Variants in ZRANB1 observed in about 807,000 individuals in gnomAD.
ZRANB1 encodes the protein zinc finger RANBP2-type containing 1.
A neutral mutation model predicts 80.5 loss-of-function variants in ZRANB1; 16 were observed. That is an observed-to-expected ratio of 0.20 (90% confidence interval 0.13 to 0.30). The LOEUF is 0.30. Ranked by LOEUF, ZRANB1 falls within the 10% of genes least tolerant of loss-of-function variation. The probability of loss-of-function intolerance (pLI) is 1.00; values close to 1 mark genes in which losing one functional copy is unlikely to be tolerated. For missense variants in ZRANB1, 576 were observed against 862.6 expected (o/e 0.67, Z 4.16); for synonymous variants, 291 against 293.1 (o/e 0.99, Z 0.07).
intron 2 of ZRANB1, among the ~76,000 whole-genome samples, chr10:124,968,448 G>C (rs111684012): frequency 1.3e-5 from 2 of 150,358 alleles, no homozygotes; most frequent in African/African-American, 4.8e-5. Flanking sequence ...AAGCCGGGGT[G>C]GGGGGCTTGA....
At chr10:124,981,573 A>G (rs966770404) in intron 5 of ZRANB1, 136 bp from the exon 6 acceptor site, 3 of 831,430 alleles carry the variant, frequency 3.6e-6, no homozygotes, top group Non-Finnish European at 5.2e-6. Flanking sequence ...AAAATACATT[A>G]CCAACCAGAC....
intron 1 of ZRANB1, among the ~76,000 whole-genome samples, chr10:124,944,450 A>T (rs1951562111): frequency 6.6e-6 from 1 of 151,164 alleles, no homozygotes. Context: ...TTTCCAAGAA[A>T]TCGTGAGTTT....
the ZRANB1 span, among the ~76,000 whole-genome samples, chr10:124,922,960 C>T: frequency 2.0e-5 from 3 of 152,068 alleles, no homozygotes; most frequent in African/African-American, 7.2e-5. Context: ...AATTCGAGTC[C>T]AGTCTGGGTG....
chr10:124,925,754 A>G, the ZRANB1 span, among the ~76,000 whole-genome samples: 24 of 152,238 alleles, frequency 1.6e-4, no homozygotes, highest in African/African-American at 5.8e-4. Context: ...CAGAGGTCCA[A>G]CTGAGTTTTT....
At chr10:124,953,122 G>A (rs1951656222) in intron 1 of ZRANB1, among the ~76,000 whole-genome samples, 1 of 143,756 alleles carries the variant, frequency 7.0e-6, no homozygotes, top group African/African-American at 2.6e-5. Flanking sequence ...AGTAGAGACA[G>A]GGTTTCACCA....
chr10:124,970,048 A>G (rs767045998), intron 2 of ZRANB1, among the ~76,000 whole-genome samples: 3 of 152,146 alleles, frequency 2.0e-5, no homozygotes, highest in Non-Finnish European at 4.4e-5. Flanking sequence ...GGAATAAGCT[A>G]TTTTTGAATT....
In ZRANB1 at chr10:124,948,459, C is replaced by T. The variant is rs576473973; in HGVS notation, c.814+5152C>T. On this transcript the variant is annotated intron_variant, in intron 1 of 8. Coordinates refer to ENST00000359653, the MANE Select transcript of ZRANB1 (RefSeq NM_017580.3). ...TGTTCAAGGGCCAAATATAGTTTAT[C>T]TCTGAACTAATCTGTTTTCCACCTT... Among the ~76,000 whole-genome samples, 23 of 151,752 alleles carry T rather than the reference C, an allele frequency of 1.5e-4. No individual in the cohort carries two copies. The East Asian group carries it at 1.7e-3, about 11-fold the overall frequency.
chr10:124,963,502 A>G (rs1157937728), intron 1 of ZRANB1, among the ~76,000 whole-genome samples: 1 of 149,754 alleles, frequency 6.7e-6, no homozygotes, highest in African/African-American at 2.4e-5. Context: ...AAGGTGCTCA[A>G]AGTGTAATTA....
the ZRANB1 span, among the ~76,000 whole-genome samples, chr10:124,917,557 G>A: frequency 6.6e-6 from 1 of 152,180 alleles, no homozygotes; most frequent in Non-Finnish European, 1.5e-5. Flanking sequence ...TCCCACCGCC[G>A]CTCTTCCGCC....
At chr10:124,944,897 GT>G (rs2134244795) in intron 1 of ZRANB1, among the ~76,000 whole-genome samples, 1 of 152,220 alleles carries the variant, frequency 6.6e-6, no homozygotes, top group South Asian at 2.1e-4. Context: ...GCAAGTCTTA[GT>G]TCTAGTTTCC....
intron 6 of ZRANB1, among the ~76,000 whole-genome samples, chr10:124,982,716 G>A (rs992401974): frequency 6.6e-6 from 1 of 152,182 alleles, no homozygotes; most frequent in Non-Finnish European, 1.5e-5. Context: ...ATTGTAGCTC[G>A]ATGATGGACC....
the ZRANB1 span, among the ~76,000 whole-genome samples, chr10:124,919,454 A>G: frequency 6.6e-6 from 1 of 151,934 alleles, no homozygotes; most frequent in Non-Finnish European, 1.5e-5. Context: ...GGCTGAGGCA[A>G]GAGAATCTCT....
chr10:124,939,192 G>GTTT (rs78940070), upstream of ZRANB1, among the ~76,000 whole-genome samples: 2 of 134,420 alleles, frequency 1.5e-5, no homozygotes, highest in South Asian at 2.5e-4. Context: ...CAAAAATCGT[G>GTTT]TTTTTTTTTT....
At chr10:124,948,813 CA>C (rs1951606316) in intron 1 of ZRANB1, among the ~76,000 whole-genome samples, 1 of 152,178 alleles carries the variant, frequency 6.6e-6, no homozygotes, top group Non-Finnish European at 1.5e-5. Context: ...TTAGTATGTA[CA>C]ACAGTGCCTG....
At chr10:124,941,117 C>T (rs1034614265), upstream of ZRANB1, among the ~76,000 whole-genome samples, 16 of 151,470 alleles carry the variant, frequency 1.1e-4, no homozygotes, top group African/African-American at 3.2e-4. Flanking sequence ...TTTCTCTTTC[C>T]GGGTGAAAAA....
the ZRANB1 span, among the ~76,000 whole-genome samples, chr10:124,926,666 CAAT>C: frequency 1.3e-4 from 19 of 151,886 alleles, no homozygotes; most frequent in Non-Finnish European, 2.9e-5. Context: ...TGTAAAATGA[CAAT>C]AAAAAGTATA....
Position 124,942,181 on chromosome 10 carries a change from T to C in ZRANB1, c.-313T>C. ...AGTGGCTTCCCGTTAATCTCATCCT[T>C]CTTAGATCAAACCTCGTTATATCTC... On this transcript the variant is annotated 5_prime_UTR_variant, in exon 1 of 9. Transcript: ENST00000359653. The C allele has an allele frequency of 8.7e-7, 1 of 1,153,758 alleles. No homozygotes were observed. The highest frequency in any genetic ancestry group is 1.1e-6 in the Non-Finnish European group (1 of 934,424). The allele number at this position is 1,153,758 out of a possible 1,614,324, so 71.5% of individuals were successfully genotyped here.
the ZRANB1 span, among the ~76,000 whole-genome samples, chr10:124,923,762 C>T: frequency 6.6e-6 from 1 of 151,686 alleles, no homozygotes; most frequent in African/African-American, 2.4e-5. Context: ...ACTATCAGAT[C>T]TCCTGAGAAC....
chr10:124,948,945 G>A (rs917498935), intron 1 of ZRANB1, among the ~76,000 whole-genome samples: 2 of 152,124 alleles, frequency 1.3e-5, no homozygotes, highest in Non-Finnish European at 2.9e-5. Context: ...TTCTTTGCCT[G>A]CTTCCTAGCT....
Sources: allele counts gnomAD v4.1 joint callset (sites outside exome capture counted in the v4.1 genomes callset), GRCh38; gene constraint gnomAD v4.1.1; transcripts MANE v1.5; gene names NCBI Gene and HGNC (gene_info 2026-07-23, HGNC 2026-07-21).